The following TRPM3 variants were observed in gnomAD, a reference collection of about 807,000 sequenced individuals.
The protein encoded by TRPM3 is transient receptor potential cation channel subfamily M member 3, also known as long transient receptor potential channel 3.
TRPM3 carries 77 observed loss-of-function variants against 181.2 expected under a neutral mutation model. That is an observed-to-expected ratio of 0.42 (90% CI 0.35 to 0.51). TRPM3 has a LOEUF of 0.51. Ranked by LOEUF, TRPM3 falls within the 20% of genes least tolerant of loss-of-function variation. The pLI, the probability that TRPM3 is intolerant of heterozygous loss-of-function variation, is 0.01. For synonymous variants in TRPM3, 745 were observed against 796.4 expected (o/e 0.94, Z 1.09); for missense variants, 1,759 against 2,196.7 (o/e 0.80, Z 3.98).
intron 1 of TRPM3, among the ~76,000 whole-genome samples, chr9:70,904,663 CT>C (rs2096436582): frequency 6.6e-6 from 1 of 152,124 alleles, no homozygotes; most frequent in Non-Finnish European, 1.5e-5. Context: ...CAAGGAAGAG[CT>C]AAATTGGGTT....
chr9:71,035,968 G>A (rs1363370944), intron 1 of TRPM3, among the ~76,000 whole-genome samples: 1 of 138,420 alleles, frequency 7.2e-6, no homozygotes, highest in African/African-American at 2.7e-5. Context: ...TCAACTTGGT[G>A]ATGCAAACAT....
chr9:70,965,953 C>T (rs550590755), intron 1 of TRPM3, among the ~76,000 whole-genome samples: 7 of 151,048 alleles, frequency 4.6e-5, no homozygotes, highest in Admixed American at 6.6e-5. Context: ...AGTAAACAGA[C>T]GCTACAGAAT....
At chr9:71,210,692 G>A (rs1018636583) in intron 1 of TRPM3, among the ~76,000 whole-genome samples, 2 of 152,168 alleles carry the variant, frequency 1.3e-5, no homozygotes, top group Admixed American at 6.5e-5. Context: ...CAGTTGGCAC[G>A]TGGACTTTGT....
intron 1 of TRPM3, among the ~76,000 whole-genome samples, chr9:71,151,170 A>G (rs2075718039): frequency 6.6e-6 from 1 of 152,206 alleles, no homozygotes. Context: ...GTAAAAATCT[A>G]AATTTTCTTC....
intron 1 of TRPM3, among the ~76,000 whole-genome samples, chr9:71,341,301 G>A (rs2090946062): frequency 6.6e-6 from 1 of 152,042 alleles, no homozygotes; most frequent in African/African-American, 2.4e-5. Context: ...CCTAATATTT[G>A]TTAATTACAA....
At chr9:71,306,022 T>C (rs889907419) in intron 1 of TRPM3, among the ~76,000 whole-genome samples, 2 of 152,146 alleles carry the variant, frequency 1.3e-5, no homozygotes, top group Admixed American at 1.3e-4. Flanking sequence ...CATTGACGGA[T>C]CAATTCTCCT....
intron 1 of TRPM3, among the ~76,000 whole-genome samples, chr9:70,969,123 G>A (rs1169474652): frequency 6.6e-6 from 1 of 152,068 alleles, no homozygotes; most frequent in Non-Finnish European, 1.5e-5. Context: ...TCTGACAAAG[G>A]ACTAATATCC....
At chr9:70,916,264 A>G (rs1280939313) in intron 1 of TRPM3, among the ~76,000 whole-genome samples, 3 of 152,246 alleles carry the variant, frequency 2.0e-5, no homozygotes, top group Non-Finnish European at 4.4e-5. Flanking sequence ...GTCAATCAGA[A>G]AGAAAGGGAC....
intron 1 of TRPM3, among the ~76,000 whole-genome samples, chr9:70,903,957 A>G (rs1215317472): frequency 1.3e-5 from 2 of 152,350 alleles, no homozygotes; most frequent in East Asian, 3.9e-4. Context: ...AATAAAAAAA[A>G]AAATACTGTA....
rs1338448535 is a variant in TRPM3, at chr9:71,098,794, A to G, written c.177+22384T>C. ...ACTCCTCCCCCTCAAGTGTTCTCCA[A>G]AGGTTTCTTGGAGCCCCCTGGAAAT... is the stretch of plus-strand genomic sequence containing the variant. On this transcript the variant is annotated intron_variant, in intron 1 of 25. Transcript: ENST00000677713. Among the ~76,000 whole-genome samples, 5 of 152,236 alleles carry G rather than the reference A, an allele frequency of 3.3e-5. No homozygotes were observed. In the East Asian group the frequency reaches 9.7e-4, roughly 29 times the overall value.
intron 1 of TRPM3, among the ~76,000 whole-genome samples, chr9:71,176,675 A>G (rs908497538): frequency 6.6e-6 from 1 of 152,068 alleles, no homozygotes; most frequent in Admixed American, 6.6e-5. Flanking sequence ...CTCACCACTC[A>G]CCCACCGACT....
intron 1 of TRPM3, among the ~76,000 whole-genome samples, chr9:70,977,203 C>T (rs1376967402): frequency 2.6e-5 from 4 of 152,158 alleles, no homozygotes; most frequent in Non-Finnish European, 4.4e-5. Flanking sequence ...GGCACGATCT[C>T]GGCTCACTGC....
At chr9:70,898,274 C>T (rs926190270) in intron 1 of TRPM3, among the ~76,000 whole-genome samples, 5 of 151,292 alleles carry the variant, frequency 3.3e-5, no homozygotes, top group African/African-American at 9.7e-5. Flanking sequence ...AGGCGCCCGC[C>T]ACTACGCCCG....
chr9:70,940,746 G>A (rs10868930), intron 1 of TRPM3, among the ~76,000 whole-genome samples: 47,781 of 151,960 alleles, frequency 0.31, 7,839 homozygotes, highest in Admixed American at 0.37. Flanking sequence ...TCAGCAATGA[G>A]AAATTTCGGG....
intron 1 of TRPM3, among the ~76,000 whole-genome samples, chr9:71,165,811 T>C (rs2076513950): frequency 6.6e-6 from 1 of 152,202 alleles, no homozygotes; most frequent in Non-Finnish European, 1.5e-5. Context: ...GGTTGATTCC[T>C]AAGCCAGAGT....
intron 7 of TRPM3, among the ~76,000 whole-genome samples, chr9:70,771,670 G>A (rs888908538): frequency 6.6e-6 from 1 of 152,106 alleles, no homozygotes; most frequent in African/African-American, 2.4e-5. Flanking sequence ...CATTTCATCA[G>A]ACAGATTAAG....
chr9:71,076,126 T>C (rs980551360), intron 1 of TRPM3, among the ~76,000 whole-genome samples: 5 of 152,084 alleles, frequency 3.3e-5, no homozygotes, highest in Non-Finnish European at 5.9e-5. Context: ...ACATAACTAG[T>C]GGTGGGCTGG....
chr9:71,169,240 G>T (rs1029905608), intron 1 of TRPM3, among the ~76,000 whole-genome samples: 1 of 152,170 alleles, frequency 6.6e-6, no homozygotes, highest in Non-Finnish European at 1.5e-5. Context: ...TTTACAGGCA[G>T]TATGTATTCC....
At chr9:71,319,515 G>A (rs2088992015) in intron 1 of TRPM3, among the ~76,000 whole-genome samples, 1 of 152,018 alleles carries the variant, frequency 6.6e-6, no homozygotes, top group African/African-American at 2.4e-5. Context: ...GGCCCTAATG[G>A]CTTGGATGAT....
Sources: gnomAD v4.1 joint callset for allele counts (sites outside exome capture counted in the v4.1 genomes callset) on GRCh38, gnomAD v4.1.1 for gene constraint, MANE v1.5 for transcripts, NCBI Gene and HGNC (gene_info 2026-07-23, HGNC 2026-07-21) for gene names.